MYO1H: variants seen among roughly 807,000 people sequenced by gnomAD.
MYO1H encodes the protein myosin IH.
A neutral mutation model predicts 149.3 loss-of-function variants in MYO1H; 118 were observed. The observed-to-expected ratio is 0.79, with a 90% CI of 0.68 to 0.92. The LOEUF (loss-of-function observed/expected upper bound fraction) is 0.92, where lower values mean the gene tolerates loss of function less well. MYO1H is among the 40% of genes least tolerant of loss of function. The probability of loss-of-function intolerance (pLI) is 0.00; values close to 1 mark genes in which losing one functional copy is unlikely to be tolerated. For synonymous variants in MYO1H, 447 were observed against 465.2 expected, an observed-to-expected ratio of 0.96 and a Z score of 0.50; for missense variants, 1,212 against 1,280.7, an observed-to-expected ratio of 0.95 and a Z score of 0.82.
intron 31 of MYO1H, chr12:109,446,044 G>C (rs1019069982): frequency 2.0e-6 from 2 of 985,196 alleles, no homozygotes; most frequent in Middle Eastern, 5.2e-4. Context: ...AAATATAAAC[G>C]TAAGAAAAAT....
chr12:109,385,286 C>A (rs1405338795), intron 1 of MYO1H, among the ~76,000 whole-genome samples: 1 of 147,778 alleles, frequency 6.8e-6, no homozygotes, highest in African/African-American at 2.5e-5. Context: ...TTCTTTTTTT[C>A]TTTCTTTCTT....
At chr12:109,433,008 C>G in exon 20 of MYO1H, 2 of 1,612,984 alleles carry the variant, frequency 1.2e-6, no homozygotes, top group Non-Finnish European at 1.7e-6. Context: ...ACAAGTTAGG[C>G]AAGTAAGTGA....
At chr12:109,438,884 G>A (rs756783345) in intron 23 of MYO1H, among the ~76,000 whole-genome samples, 1 of 152,230 alleles carries the variant, frequency 6.6e-6, no homozygotes, top group Non-Finnish European at 1.5e-5. Context: ...GGCAGGTAAA[G>A]TGAGTGAGTC....
Position 109,349,497 on chromosome 12 carries a change from C to CCCCCA in MYO1H, c.12+1525_12+1526insCCCCA, listed in dbSNP as rs150233595. On this transcript the variant is annotated intron_variant, in intron 1 of 31. Transcript: ENST00000310903. ...GAGCAACATAGTGTGACCCCCCCAC[C>CCCCCA]AAAAAAATTAAAAAGTAGCTAGATA... Among the ~76,000 whole-genome samples the CCCCCA allele has an allele frequency of 3.1e-4, 45 of 144,506 alleles. 2 individuals are homozygous for CCCCCA. The highest frequency in any genetic ancestry group is 1.1e-3 in the African/African-American group (42 of 37,554). 94.8% of individuals were successfully genotyped at this position (144,506 alleles called of 152,430 possible).
chr12:109,390,927 C>A (rs1478068243), intron 2 of MYO1H, among the ~76,000 whole-genome samples: 2 of 152,212 alleles, frequency 1.3e-5, no homozygotes, highest in African/African-American at 4.8e-5. Context: ...CTCAGCCTCC[C>A]AGAGTCCTGG....
At chr12:109,351,807 ATAG>A (rs954400794) in intron 1 of MYO1H, among the ~76,000 whole-genome samples, 3 of 152,186 alleles carry the variant, frequency 2.0e-5, no homozygotes, top group Non-Finnish European at 4.4e-5. Context: ...AATGTTTCTA[ATAG>A]TAGTTTTTGC....
At chr12:109,419,406 A>G (rs1481167287) in intron 15 of MYO1H, among the ~76,000 whole-genome samples, 1 of 151,986 alleles carries the variant, frequency 6.6e-6, no homozygotes, top group Non-Finnish European at 1.5e-5. Flanking sequence ...TCATCCTCAT[A>G]TTTGGGTTCT....
At chr12:109,408,356 G>A (rs778434224) in intron 10 of MYO1H, among the ~76,000 whole-genome samples, 1 of 151,746 alleles carries the variant, frequency 6.6e-6, no homozygotes, top group Non-Finnish European at 1.5e-5. Context: ...AAAAAATTTT[G>A]TAGAGATGAG....
At chr12:109,360,926 C>T (rs1162424226) in intron 1 of MYO1H, among the ~76,000 whole-genome samples, 6 of 152,150 alleles carry the variant, frequency 3.9e-5, no homozygotes, top group African/African-American at 1.4e-4. Context: ...CCTTCCCAAC[C>T]TATGAACACA....
chr12:109,413,748 A>G (rs1167127555), intron 14 of MYO1H, among the ~76,000 whole-genome samples: 1 of 152,072 alleles, frequency 6.6e-6, no homozygotes, highest in African/African-American at 2.4e-5. Context: ...TGTCTCTACT[A>G]AAAATACAAA....
chr12:109,354,633 A>AAAAAAG (rs1278709535), intron 1 of MYO1H, among the ~76,000 whole-genome samples: 1 of 146,798 alleles, frequency 6.8e-6, no homozygotes, highest in Non-Finnish European at 1.5e-5. Flanking sequence ...AAAAAAAAAA[A>AAAAAAG]AGAAAAGAAA....
chr12:109,401,289 C>T lies in MYO1H; in HGVS notation c.750+17C>T, dbSNP rs1373066784. On this transcript the variant is annotated intron_variant, in intron 6 of 31. Transcript: ENST00000310903. ...CTCTCACAGGTGGGAAGGACCAGCA[C>T]CTGGCTTTGGTGACTCTTTGGAGCA... 6.3e-7 allele frequency: 1 copy of T among 1,597,384 alleles called. No homozygotes were observed. The highest frequency in any genetic ancestry group is 1.1e-5 in the South Asian group (1 of 88,664).
chr12:109,415,900 A>G (rs908797206), intron 15 of MYO1H, among the ~76,000 whole-genome samples: 2 of 150,084 alleles, frequency 1.3e-5, no homozygotes, highest in African/African-American at 4.9e-5. Flanking sequence ...AAACATTACC[A>G]CCATTCATTT....
At chr12:109,370,782 C>A (rs1317385459) in intron 1 of MYO1H, among the ~76,000 whole-genome samples, 1 of 152,156 alleles carries the variant, frequency 6.6e-6, no homozygotes, top group East Asian at 1.9e-4. Flanking sequence ...TTTATTCACT[C>A]ATTTGACAAA....
the MYO1H span, among the ~76,000 whole-genome samples, chr12:109,319,599 TAAATC>T: frequency 6.6e-6 from 1 of 152,222 alleles, no homozygotes; most frequent in Non-Finnish European, 1.5e-5. Context: ...TTACCACAGT[TAAATC>T]AAGGAAATGA....
chr12:109,349,979 AT>A (rs1868429479), intron 1 of MYO1H, among the ~76,000 whole-genome samples: 1 of 144,788 alleles, frequency 6.9e-6, no homozygotes, highest in African/African-American at 2.6e-5. Flanking sequence ...AAAAAAGTTA[AT>A]ATTATTATTA....
chr12:109,327,129 TTTTTC>T, the MYO1H span, among the ~76,000 whole-genome samples: 1,032 of 127,502 alleles, frequency 8.1e-3, 71 homozygotes, highest in East Asian at 0.038. Flanking sequence ...TTTCTTTTTC[TTTTTC>T]TTTTTTTTTT....
At chr12:109,444,517 T>A in exon 30 of MYO1H, 1 of 1,613,654 alleles carries the variant, frequency 6.2e-7, no homozygotes, top group Non-Finnish European at 8.5e-7. Flanking sequence ...ATTGTCAATG[T>A]TGTTCAAGGA....
chr12:109,428,499 T>C (rs1871474520), intron 19 of MYO1H, among the ~76,000 whole-genome samples: 1 of 152,168 alleles, frequency 6.6e-6, no homozygotes, highest in South Asian at 2.1e-4. Flanking sequence ...ATCCCCCAAA[T>C]TGCTTATACA....
Sources: gnomAD v4.1 joint callset for allele counts (sites outside exome capture counted in the v4.1 genomes callset) on GRCh38, gnomAD v4.1.1 for gene constraint, MANE v1.5 for transcripts, NCBI Gene and HGNC (gene_info 2026-07-23, HGNC 2026-07-21) for gene names.